The following ANO2 variants were observed in gnomAD, a reference collection of about 807,000 sequenced individuals.
ANO2 encodes the protein anoctamin 2, also known as anoctamin-2.
Under a neutral mutation model 124.2 loss-of-function variants are expected in ANO2, and 101 were observed. The ratio of observed to expected loss-of-function variants is 0.81; its 90% CI spans 0.69 to 0.96. ANO2 has a LOEUF of 0.96. Ranked by LOEUF, ANO2 falls within the 40% of genes least tolerant of loss-of-function variation. The pLI is 0.00. For synonymous variants in ANO2, 486 were observed against 482.5 expected (o/e 1.01, Z -0.09); for missense variants, 1,293 against 1,274.5 (o/e 1.01, Z -0.22).
intron 3 of ANO2, among the ~76,000 whole-genome samples, chr12:5,888,005 A>G (rs536559911): frequency 6.6e-5 from 10 of 152,256 alleles, no homozygotes; most frequent in African/African-American, 1.9e-4. Flanking sequence ...TGTGTCCGCA[A>G]TTGGTGGGTT....
In ANO2 at chr12:5,936,288, T is replaced by G. The variant is rs141900220; in HGVS notation, c.22+8908A>C. ...TTATGAAGTCCATTTTGTCTATTTT[T>G]TATCTGATGTGTCACGGTTTGACTA... On this transcript the variant is annotated intron_variant, in intron 1 of 24. Transcript: ENST00000682330. 2.9e-3 allele frequency among the ~76,000 whole-genome samples: 448 copies of G among 152,292 alleles called. 1 individual carries two copies. Among genetic ancestry groups the G allele is most frequent in the African/African-American group, 0.01 (431 of 41,540 alleles).
At chr12:5,807,119 T>C (rs899567008) in intron 8 of ANO2, among the ~76,000 whole-genome samples, 194 bp downstream of exon 8, 2 of 152,198 alleles carry the variant, frequency 1.3e-5, no homozygotes, top group Non-Finnish European at 2.9e-5. Flanking sequence ...CGAGACAGTT[T>C]GAGATGATTG....
intron 14 of ANO2, among the ~76,000 whole-genome samples, chr12:5,716,910 T>C (rs1376907133): frequency 2.0e-5 from 3 of 152,136 alleles, no homozygotes; most frequent in Non-Finnish European, 4.4e-5. Context: ...GCTGTGGAAA[T>C]CAATACAGGC....
Position 5,922,647 on chromosome 12 carries a change from G to C in ANO2, c.180C>G (p.Cys60Trp), listed in dbSNP as rs779647848. The change falls in exon 2 of 25, where the codon TGC (cysteine) becomes TGG (tryptophan). Residue 60 changes from cysteine (C) to tryptophan (W), a missense_variant. By Grantham distance (215) the Cys-to-Trp change is radical. Coordinates refer to ENST00000682330, the MANE Select transcript of ANO2 (RefSeq NM_001364791.2). ...GGSNRDPGQP[C>W]GGESTRSSSV... ...AGCTGCTGCGGGTGCTCTCTCCACC[G>C]CAGGGCTGGCCAGGATCTCTGTTGG... 7.7e-7 allele frequency: 1 copy of C among 1,303,202 alleles called. No individual in the cohort carries two copies. The highest frequency in any genetic ancestry group is 1.2e-5 in the South Asian group (1 of 81,000). 80.7% of individuals were successfully genotyped at this position (1,303,202 alleles called of 1,614,324 possible).
intron 10 of ANO2, among the ~76,000 whole-genome samples, chr12:5,796,223 AC>A: frequency 6.6e-6 from 1 of 151,500 alleles, no homozygotes; most frequent in East Asian, 1.9e-4. Flanking sequence ...ACACTGACAC[AC>A]ATGAACACAC....
At chr12:5,780,595 A>C (rs1361183784) in intron 10 of ANO2, among the ~76,000 whole-genome samples, 1 of 152,230 alleles carries the variant, frequency 6.6e-6, no homozygotes, top group East Asian at 1.9e-4. Context: ...ACAAGCAAAC[A>C]AAGTGATAGT....
At chr12:5,797,481 C>T (rs1440780881) in intron 10 of ANO2, among the ~76,000 whole-genome samples, 1 of 152,114 alleles carries the variant, frequency 6.6e-6, no homozygotes, top group African/African-American at 2.4e-5. Context: ...GTTTGGTGTG[C>T]TCACTGAGTC....
chr12:5,760,491 C>T (rs1252658907), intron 10 of ANO2, among the ~76,000 whole-genome samples: 1 of 152,098 alleles, frequency 6.6e-6, no homozygotes, highest in Non-Finnish European at 1.5e-5. Context: ...TCATCCCAAA[C>T]AACTATCTTA....
At chr12:5,822,588 A>T (rs1304866382) in intron 7 of ANO2, among the ~76,000 whole-genome samples, 2 of 152,200 alleles carry the variant, frequency 1.3e-5, no homozygotes, top group African/African-American at 4.8e-5. Flanking sequence ...GCAGAGACCA[A>T]CACTGAGCCC....
chr12:5,752,013 T>C (rs1035544703), intron 10 of ANO2, among the ~76,000 whole-genome samples: 2 of 152,242 alleles, frequency 1.3e-5, no homozygotes, highest in African/African-American at 4.8e-5. Context: ...TCACTTAGCA[T>C]AACGTCCTCC....
intron 16 of ANO2, among the ~76,000 whole-genome samples, chr12:5,618,187 G>T (rs1051086949): frequency 6.6e-6 from 1 of 152,180 alleles, no homozygotes; most frequent in African/African-American, 2.4e-5. Flanking sequence ...CTGCCTGAAG[G>T]TCACCTTTGG....
intron 14 of ANO2, among the ~76,000 whole-genome samples, chr12:5,683,970 T>C (rs1384326789): frequency 6.6e-6 from 1 of 152,144 alleles, no homozygotes; most frequent in Non-Finnish European, 1.5e-5. Flanking sequence ...CCTTCCTGGG[T>C]AGCACAGTGT....
intron 7 of ANO2, among the ~76,000 whole-genome samples, chr12:5,810,060 G>C (rs528190899): frequency 1.1e-4 from 16 of 152,320 alleles, no homozygotes; most frequent in African/African-American, 3.8e-4. Context: ...TAAAACCAGA[G>C]TTGTCCTGAC....
At position 5,596,905 on chromosome 12, in the gene ANO2, C is replaced by T. The variant is rs1204209755; in HGVS notation, c.2233+2579G>A. On this transcript the variant is annotated intron_variant, in intron 20 of 24. Transcript: ENST00000682330. ...TTCACAGATACTAATTCATTCACTA[C>T]TCCTGACAATCCTATTATATTATTA... 9.9e-5 allele frequency among the ~76,000 whole-genome samples: 15 copies of T among 152,124 alleles called. 1 individual carries two copies. The highest frequency in any genetic ancestry group is 2.2e-4 in the Non-Finnish European group (15 of 68,010).
intron 3 of ANO2, among the ~76,000 whole-genome samples, chr12:5,896,634 T>A (rs188723909): frequency 1.3e-4 from 20 of 152,208 alleles, no homozygotes; most frequent in Non-Finnish European, 2.6e-4. Context: ...AGATATTATC[T>A]GTCTCTAAAG....
At chr12:5,612,434 G>A (rs1803864649) in intron 19 of ANO2, among the ~76,000 whole-genome samples, 1 of 152,170 alleles carries the variant, frequency 6.6e-6, no homozygotes, top group Non-Finnish European at 1.5e-5. Flanking sequence ...TACTAGTTAT[G>A]TGTACTTAAG....
At chr12:5,638,701 G>A (rs1359422405) in intron 15 of ANO2, among the ~76,000 whole-genome samples, 1 of 151,972 alleles carries the variant, frequency 6.6e-6, no homozygotes, top group Non-Finnish European at 1.5e-5. Flanking sequence ...TCACAGCAGC[G>A]CCTCCCGTAG....
At chr12:5,857,112 T>C (rs141571345) in intron 3 of ANO2, among the ~76,000 whole-genome samples, 1 of 152,180 alleles carries the variant, frequency 6.6e-6, no homozygotes, top group East Asian at 1.9e-4. Flanking sequence ...AGCACAACCA[T>C]CACCGAATGC....
chr12:5,809,740 C>T (rs1591642292), intron 7 of ANO2, among the ~76,000 whole-genome samples: 3 of 152,318 alleles, frequency 2.0e-5, no homozygotes, highest in African/African-American at 7.2e-5. Flanking sequence ...TGCTTCACTT[C>T]CAGGACAAGG....
Sources: allele counts gnomAD v4.1 joint callset (sites outside exome capture counted in the v4.1 genomes callset), GRCh38; gene constraint gnomAD v4.1.1; transcripts MANE v1.5; gene names NCBI Gene and HGNC (gene_info 2026-07-23, HGNC 2026-07-21).